PALM2AKAP2: variants seen among roughly 807,000 people sequenced by gnomAD.
The protein encoded by PALM2AKAP2 is PALM2-AKAP2 fusion protein.
PALM2AKAP2 carries 37 observed loss-of-function variants against 71.5 expected under a neutral mutation model. The observed-to-expected ratio is 0.52, with a 90% confidence interval of 0.40 to 0.68. The LOEUF (loss-of-function observed/expected upper bound fraction) is 0.68. PALM2AKAP2 is among the 30% of genes least tolerant of loss of function. The pLI, the probability that PALM2AKAP2 is intolerant of heterozygous loss-of-function variation, is 0.00. For synonymous variants in PALM2AKAP2, 468 were observed against 478.8 expected (o/e 0.98, Z 0.29); for missense variants, 1,224 against 1,191.8 (o/e 1.03, Z -0.40).
intron 2 of PALM2AKAP2, among the ~76,000 whole-genome samples, chr9:110,143,839 A>G (rs982946356): frequency 7.9e-5 from 12 of 152,226 alleles, no homozygotes; most frequent in African/African-American, 1.2e-4. Context: ...TAAGTTCCAT[A>G]ACTTGGGGTA....
At chr9:109,936,506 A>C (rs1360552574) in intron 6 of PALM2AKAP2, among the ~76,000 whole-genome samples, 2 of 152,228 alleles carry the variant, frequency 1.3e-5, no homozygotes, top group Admixed American at 6.5e-5. Context: ...TCGAAGGGAT[A>C]AGACTACCCA....
At chr9:109,836,506 G>A (rs1828480430) in intron 1 of PALM2AKAP2, among the ~76,000 whole-genome samples, 1 of 152,228 alleles carries the variant, frequency 6.6e-6, no homozygotes, top group Non-Finnish European at 1.5e-5. Context: ...CTCCTTGCCA[G>A]CAATGGAACA....
chr9:109,649,684 T>C (rs987881896), intron 1 of PALM2AKAP2, among the ~76,000 whole-genome samples: 26 of 152,270 alleles, frequency 1.7e-4, no homozygotes, highest in African/African-American at 6.0e-4. Flanking sequence ...TTGCATTTAT[T>C]ATCCATTTCC....
At chr9:109,942,655 A>G in intron 6 of PALM2AKAP2, 2 of 1,519,588 alleles carry the variant, frequency 1.3e-6, no homozygotes, top group East Asian at 2.3e-5. Context: ...TTGTTGTAAC[A>G]TGCACTTCCT....
exon 2 of PALM2AKAP2, chr9:110,138,470 A>G: frequency 6.2e-7 from 1 of 1,614,220 alleles, no homozygotes; most frequent in Non-Finnish European, 8.5e-7. Context: ...AGTCTTGCAG[A>G]GTACGCAGAG....
At chr9:110,048,569 G>C (rs1833642109), upstream of PALM2AKAP2, 1 of 934,336 alleles carries the variant, frequency 1.1e-6, no homozygotes, top group Non-Finnish European at 1.5e-6. Flanking sequence ...GAGGGGAGGG[G>C]AGGGAGGGGC....
chr9:109,908,089 C>T (rs1431406018), intron 3 of PALM2AKAP2, among the ~76,000 whole-genome samples: 2 of 152,214 alleles, frequency 1.3e-5, no homozygotes, highest in African/African-American at 4.8e-5. Context: ...ATTGATTGAG[C>T]ACAGGCTGTG....
At chr9:109,818,137 T>C (rs1302710981) in intron 1 of PALM2AKAP2, among the ~76,000 whole-genome samples, 1 of 152,208 alleles carries the variant, frequency 6.6e-6, no homozygotes, top group Non-Finnish European at 1.5e-5. Context: ...TATTTAAAAA[T>C]AGTGTACGCT....
chr9:109,927,582 A>G (rs1189185916), intron 5 of PALM2AKAP2, among the ~76,000 whole-genome samples: 1 of 152,176 alleles, frequency 6.6e-6, no homozygotes, highest in Non-Finnish European at 1.5e-5. Flanking sequence ...ACCCCATCTC[A>G]GGTAACCTAA....
chr9:109,972,818 C>T (rs35373013), intron 6 of PALM2AKAP2, among the ~76,000 whole-genome samples: 3,983 of 152,282 alleles, frequency 0.026, 242 homozygotes, highest in East Asian at 0.25. Flanking sequence ...ATATCTCCTG[C>T]ACAATTGCAA....
At chr9:109,935,137 C>T (rs1404496347) in intron 6 of PALM2AKAP2, among the ~76,000 whole-genome samples, 1 of 152,216 alleles carries the variant, frequency 6.6e-6, no homozygotes, top group Non-Finnish European at 1.5e-5. Flanking sequence ...TCAGATTTCA[C>T]TTGAATCTAG....
chr9:110,007,213 G>T (rs562959740), intron 6 of PALM2AKAP2, among the ~76,000 whole-genome samples: 24 of 152,310 alleles, frequency 1.6e-4, no homozygotes, highest in African/African-American at 5.8e-4. Flanking sequence ...GGCCATCAGG[G>T]CATTGAGCCA....
rs34594416 is a variant in PALM2AKAP2 at position 110,080,234 on chromosome 9, C to T, written c.156+31379C>T. Among the ~76,000 whole-genome samples the T allele has an allele frequency of 1.3e-3, 203 of 152,156 alleles. 2 individuals are homozygous for T. The highest frequency in any genetic ancestry group is 6.8e-3 in the Middle Eastern group (2 of 294). ...GGGATATAAACATGTAATCTATCAC[C>T]GCTGTTAACCTACTGGTGATTTGAA... On this transcript the variant is annotated intron_variant, in intron 1 of 3. Transcript: ENST00000374525.
Position 109,819,120 on chromosome 9 carries a change from A to G in PALM2AKAP2, c.45+38587A>G, listed in dbSNP as rs181693531. Among the ~76,000 whole-genome samples, 283 of 152,344 alleles carry G rather than the reference A, an allele frequency of 1.9e-3. 2 individuals carry two copies. Among genetic ancestry groups the G allele is most frequent in the Non-Finnish European group, 2.8e-3 (189 of 68,026 alleles). ...TGAAATATTTGACTCCTTCCCCCAC[A>G]GGTGAAAACTCCTGCAGAGCATCTT... On this transcript the variant is annotated intron_variant, in intron 1 of 9. Coordinates refer to the PALM2AKAP2 transcript ENST00000302798.
At chr9:109,921,626 A>C (rs961019365) in intron 3 of PALM2AKAP2, among the ~76,000 whole-genome samples, 1 of 152,234 alleles carries the variant, frequency 6.6e-6, no homozygotes, top group East Asian at 1.9e-4. Flanking sequence ...ACCTCATGAC[A>C]GGTGGCATCT....
At chr9:109,813,559 G>A (rs563624399) in intron 1 of PALM2AKAP2, among the ~76,000 whole-genome samples, 4 of 152,136 alleles carry the variant, frequency 2.6e-5, no homozygotes, top group Admixed American at 2.0e-4. Flanking sequence ...ATGAGAAATG[G>A]TAAGAAGATA....
At chr9:109,772,988 G>A (rs141295229) in intron 1 of PALM2AKAP2, among the ~76,000 whole-genome samples, 2,195 of 152,232 alleles carry the variant, frequency 0.014, 64 homozygotes, top group African/African-American at 0.05. Context: ...TGTGGTGGCG[G>A]GCGCCTGTAG....
chr9:110,077,143 T>C (rs1289643835), intron 1 of PALM2AKAP2, among the ~76,000 whole-genome samples: 1 of 152,196 alleles, frequency 6.6e-6, no homozygotes, highest in Non-Finnish European at 1.5e-5. Flanking sequence ...GGTGTGATTC[T>C]CAGCTTAACT....
intron 1 of PALM2AKAP2, among the ~76,000 whole-genome samples, chr9:109,715,516 C>T (rs1006751179): frequency 6.6e-6 from 1 of 152,190 alleles, no homozygotes; most frequent in East Asian, 1.9e-4. Flanking sequence ...CTTCTGACTA[C>T]ATGTGAGCAT....
Sources: gnomAD v4.1 joint callset for allele counts (sites outside exome capture counted in the v4.1 genomes callset) on GRCh38, gnomAD v4.1.1 for gene constraint, MANE v1.5 for transcripts, NCBI Gene and HGNC (gene_info 2026-07-23, HGNC 2026-07-21) for gene names.